The following BTBD9 variants were observed in gnomAD, a reference collection of about 807,000 sequenced individuals.
BTBD9 encodes the protein BTB domain containing 9, also known as BTB/POZ domain-containing protein 9.
A neutral mutation model predicts 64.3 loss-of-function variants in BTBD9; 49 were observed. The observed-to-expected ratio is 0.76, with a 90% confidence interval of 0.61 to 0.97. The LOEUF is 0.97. Ranked by LOEUF, BTBD9 falls within the 50% of genes least tolerant of loss-of-function variation. The pLI is 0.00. For missense variants in BTBD9, 598 were observed against 762.1 expected (o/e 0.78, Z 2.53); for synonymous variants, 260 against 274.7 (o/e 0.95, Z 0.53).
At chr6:38,488,983 C>A (rs573075488) in intron 6 of BTBD9, among the ~76,000 whole-genome samples, 1 of 151,570 alleles carries the variant, frequency 6.6e-6, no homozygotes, top group Admixed American at 6.6e-5. Flanking sequence ...GTAGCCTCGA[C>A]CTCCCAGGCT....
At chr6:38,435,255 T>A (rs1768661787) in intron 6 of BTBD9, among the ~76,000 whole-genome samples, 1 of 151,568 alleles carries the variant, frequency 6.6e-6, no homozygotes, top group South Asian at 2.1e-4. Flanking sequence ...AGTAGACTAA[T>A]GCAGGCTACT....
intron 6 of BTBD9, among the ~76,000 whole-genome samples, chr6:38,449,224 A>G (rs773883531): frequency 3.3e-5 from 5 of 152,224 alleles, no homozygotes; most frequent in Non-Finnish European, 5.9e-5. Context: ...TTTCAGCTCG[A>G]TAAAAGGAAA....
intron 7 of BTBD9, among the ~76,000 whole-genome samples, chr6:38,329,611 C>T (rs1311939215): frequency 1.3e-5 from 2 of 152,104 alleles, no homozygotes; most frequent in African/African-American, 2.4e-5. Flanking sequence ...GGCTGAGCCA[C>T]GGCGCCCTGC....
chr6:38,511,364 A>G (rs1772764928), intron 6 of BTBD9, among the ~76,000 whole-genome samples: 1 of 125,252 alleles, frequency 8.0e-6, no homozygotes, highest in Non-Finnish European at 1.6e-5. Flanking sequence ...TTTTTTTGAG[A>G]CAGGGTCTCA....
At chr6:38,519,001 G>A (rs887766897) in intron 6 of BTBD9, among the ~76,000 whole-genome samples, 2 of 152,198 alleles carry the variant, frequency 1.3e-5, no homozygotes, top group African/African-American at 4.8e-5. Flanking sequence ...GACATCAGAG[G>A]CAGTTTTCTA....
chr6:38,519,013 AAG>A (rs1474688836), intron 6 of BTBD9, among the ~76,000 whole-genome samples: 2 of 152,206 alleles, frequency 1.3e-5, no homozygotes, highest in Non-Finnish European at 2.9e-5. Flanking sequence ...AGTTTTCTAA[AAG>A]AGATAAAACC....
At chr6:38,266,739 C>T (rs1009951028) in intron 8 of BTBD9, among the ~76,000 whole-genome samples, 1 of 151,986 alleles carries the variant, frequency 6.6e-6, no homozygotes, top group Non-Finnish European at 1.5e-5. Flanking sequence ...AAAATTTGTC[C>T]AGGCCAAACA....
At chr6:38,533,384 C>G (rs1316410527) in intron 6 of BTBD9, among the ~76,000 whole-genome samples, 1 of 152,044 alleles carries the variant, frequency 6.6e-6, no homozygotes, top group Non-Finnish European at 1.5e-5. Flanking sequence ...TATATTTGCA[C>G]CCAACACTGG....
At chr6:38,478,169 A>G (rs1770977662) in intron 6 of BTBD9, among the ~76,000 whole-genome samples, 1 of 152,092 alleles carries the variant, frequency 6.6e-6, no homozygotes. Flanking sequence ...GGGGGTCAGA[A>G]GTTTAAAAAT....
intron 6 of BTBD9, among the ~76,000 whole-genome samples, chr6:38,416,501 ATT>A (rs70981549): frequency 0.078 from 6,743 of 86,864 alleles, 243 homozygotes; most frequent in Non-Finnish European, 0.094. Flanking sequence ...TGCCCAGCTA[ATT>A]TTTTTTTTTT....
At chr6:38,463,733 C>A (rs1770209832) in intron 6 of BTBD9, among the ~76,000 whole-genome samples, 1 of 152,104 alleles carries the variant, frequency 6.6e-6, no homozygotes, top group Admixed American at 6.6e-5. Context: ...TGGAGACAGA[C>A]TTTAAAAAGG....
intron 6 of BTBD9, among the ~76,000 whole-genome samples, chr6:38,523,131 T>A (rs1773341672): frequency 6.6e-6 from 1 of 152,134 alleles, no homozygotes; most frequent in African/African-American, 2.4e-5. Flanking sequence ...TGCTGTGAGT[T>A]GAGATCGCTC....
intron 1 of BTBD9, among the ~76,000 whole-genome samples, chr6:38,620,880 T>G (rs987767698): frequency 3.9e-5 from 6 of 152,184 alleles, no homozygotes; most frequent in African/African-American, 1.4e-4. Context: ...AGTCATCTAG[T>G]AGAAAGGGAA....
chr6:38,373,562 C>T (rs1765513461), intron 6 of BTBD9, among the ~76,000 whole-genome samples: 1 of 152,180 alleles, frequency 6.6e-6, no homozygotes, highest in African/African-American at 2.4e-5. Flanking sequence ...GACAAGGTCT[C>T]ACTCTGTCAC....
At chr6:38,543,662 CA>C (rs1252422063) in intron 6 of BTBD9, among the ~76,000 whole-genome samples, 1 of 152,074 alleles carries the variant, frequency 6.6e-6, no homozygotes, top group Non-Finnish European at 1.5e-5. Flanking sequence ...ATCAAACAAC[CA>C]AAAAACCTGC....
At chr6:38,539,461 TGATA>T (rs1774167873) in intron 6 of BTBD9, among the ~76,000 whole-genome samples, 1 of 152,210 alleles carries the variant, frequency 6.6e-6, no homozygotes, top group Non-Finnish European at 1.5e-5. Context: ...GACAGATGGC[TGATA>T]TTATAAGTAT....
At chr6:38,465,223 A>G (rs1246895301) in intron 6 of BTBD9, among the ~76,000 whole-genome samples, 1 of 151,778 alleles carries the variant, frequency 6.6e-6, no homozygotes, top group African/African-American at 2.4e-5. Flanking sequence ...TGAGCCTGGG[A>G]GGTTGATGCT....
At position 38,345,004 on chromosome 6, in the gene BTBD9, G is replaced by A. The variant is rs1764226388; in HGVS notation, c.1244C>T (p.Thr415Ile). 2 of 1,605,704 alleles carry A rather than the reference G, an allele frequency of 1.2e-6. No individual in the cohort carries two copies. Among genetic ancestry groups the A allele is most frequent in the Non-Finnish European group, 1.7e-6 (2 of 1,174,016 alleles). The change falls in exon 7 of 11, where the codon ACT becomes ATT. Residue 415 changes from threonine (T) to isoleucine (I), a missense_variant. Thr to Ile is a moderately conservative substitution (Grantham distance 89, BLOSUM62 -1). Coordinates refer to ENST00000481247, the MANE Select transcript of BTBD9 (RefSeq NM_001099272.2). ...CTTACCTATCAGCCCCTTCTCAAGAGTGAAGGTTTTGTTTGTAAACATACA... is the reference window on the plus strand; with the variant it reads ...CTTACCTATCAGCCCCTTCTCAAGAATGAAGGTTTTGTTTGTAAACATACA... ...FECMFTNKTF[T>I]LEKGLIVPME...
intron 6 of BTBD9, among the ~76,000 whole-genome samples, chr6:38,570,445 T>C (rs968150601): frequency 6.6e-6 from 1 of 152,198 alleles, no homozygotes; most frequent in Non-Finnish European, 1.5e-5. Flanking sequence ...TACAGGACTA[T>C]TGTAAGAATT....
Sources: allele counts gnomAD v4.1 joint callset (sites outside exome capture counted in the v4.1 genomes callset), GRCh38; gene constraint gnomAD v4.1.1; transcripts MANE v1.5; gene names NCBI Gene and HGNC (gene_info 2026-07-23, HGNC 2026-07-21).